The following GYPE variants were observed in gnomAD, a reference collection of about 807,000 sequenced individuals.
GYPE encodes glycophorin-E.
A neutral mutation model predicts 11.6 loss-of-function variants in GYPE; 8 were observed. The observed-to-expected ratio is 0.69, with a 90% CI of 0.41 to 1.25. The LOEUF (loss-of-function observed/expected upper bound fraction) is 1.25. GYPE is among the 50% of genes most tolerant of loss of function. The pLI, the probability that GYPE is intolerant of heterozygous loss-of-function variation, is 0.01. For synonymous variants in GYPE, 28 were observed against 29.6 expected (o/e 0.94, Z 0.18); for missense variants, 90 against 92.8 (o/e 0.97, Z 0.12).
At chr4:143,891,084 T>G (rs1744384405) in intron 1 of GYPE, among the ~76,000 whole-genome samples, 1 of 152,064 alleles carries the variant, frequency 6.6e-6, no homozygotes, top group African/African-American at 2.4e-5. Context: ...ATTAGTAAAC[T>G]TCTTATGTAA....
At chr4:143,879,520 G>C (rs1743940372) in intron 2 of GYPE, among the ~76,000 whole-genome samples, 1 of 152,112 alleles carries the variant, frequency 6.6e-6, no homozygotes, top group Admixed American at 6.6e-5. Flanking sequence ...TGTCACAAAA[G>C]CTTGAGAACT....
At chr4:143,899,563 T>A (rs1867548) in intron 1 of GYPE, among the ~76,000 whole-genome samples, 142,635 of 152,164 alleles carry the variant, frequency 0.94, 67,601 homozygotes, top group East Asian at 1. Context: ...ACTTCATGAA[T>A]TCAAAACTTC....
chr4:143,896,330 A>T (rs1744634822), intron 1 of GYPE, among the ~76,000 whole-genome samples: 1 of 152,226 alleles, frequency 6.6e-6, no homozygotes, highest in Non-Finnish European at 1.5e-5. Flanking sequence ...AAACAACCCC[A>T]TCAAAAAGTG....
chr4:143,895,047 T>C (rs1216905835), intron 1 of GYPE, among the ~76,000 whole-genome samples: 2 of 152,100 alleles, frequency 1.3e-5, no homozygotes, highest in Non-Finnish European at 2.9e-5. Context: ...ACAGCCAATA[T>C]CATACTGAAT....
At chr4:143,902,220 A>AAGACACAGGCG (rs1560953492) in intron 1 of GYPE, among the ~76,000 whole-genome samples, 3 of 151,302 alleles carry the variant, frequency 2.0e-5, no homozygotes, top group Admixed American at 6.6e-5. Flanking sequence ...ACACATAAGC[A>AAGACACAGGCG]AAGACACAGG....
chr4:143,902,040 G>T (rs1456920923), intron 1 of GYPE, among the ~76,000 whole-genome samples: 1 of 152,006 alleles, frequency 6.6e-6, no homozygotes. Flanking sequence ...AATGATTGTA[G>T]ATACCATCTA....
intron 1 of GYPE, among the ~76,000 whole-genome samples, chr4:143,896,586 G>A (rs1275403903): frequency 6.6e-6 from 1 of 152,150 alleles, no homozygotes; most frequent in African/African-American, 2.4e-5. Context: ...AACCATTGTG[G>A]AAGTCAGTGT....
intron 1 of GYPE, among the ~76,000 whole-genome samples, chr4:143,892,251 A>C (rs1744436414): frequency 6.6e-6 from 1 of 151,988 alleles, no homozygotes; most frequent in Non-Finnish European, 1.5e-5. Context: ...TGATCTTTTC[A>C]AAAAACCAGC....
chr4:143,882,293 T>A (rs1454150955), intron 1 of GYPE, among the ~76,000 whole-genome samples: 1 of 143,860 alleles, frequency 7.0e-6, no homozygotes, highest in Non-Finnish European at 1.5e-5. Context: ...TGATAGGGAT[T>A]TTGAAGTTCA....
chr4:143,889,579 C>G (rs2149910603), intron 1 of GYPE, among the ~76,000 whole-genome samples: 1 of 152,272 alleles, frequency 6.6e-6, no homozygotes, highest in East Asian at 1.9e-4. Flanking sequence ...ATTGCCCATA[C>G]TAGCCTCAAA....
intron 1 of GYPE, among the ~76,000 whole-genome samples, chr4:143,886,546 T>A (rs560826817): frequency 4.2e-4 from 59 of 139,366 alleles, no homozygotes; most frequent in African/African-American, 1.4e-3. Context: ...ACATATTCAA[T>A]TCTGCAAAGC....
chr4:143,902,597 C>G (rs1236467803), intron 1 of GYPE, among the ~76,000 whole-genome samples: 1 of 151,486 alleles, frequency 6.6e-6, no homozygotes, highest in Non-Finnish European at 1.5e-5. Context: ...TCTTTCCTTC[C>G]TTTTTCCTTT....
In GYPE at chr4:143,881,944, C is replaced by A. The variant is rs535685692; in HGVS notation, c.38-1435G>T. Among the ~76,000 whole-genome samples the A allele has an allele frequency of 2.0e-5, 3 of 152,254 alleles. No individual in the cohort carries two copies. In the East Asian group the frequency reaches 5.8e-4, roughly 29 times the overall value. Reference sequence around the variant, plus strand: ...AGAGCACACAAACAACAGAAAACATCTTCTCTGACACCTCTCATTAGTCTA... The same window carrying A: ...AGAGCACACAAACAACAGAAAACATATTCTCTGACACCTCTCATTAGTCTA... On this transcript the variant is annotated intron_variant, in intron 1 of 3. Coordinates refer to ENST00000358615, the MANE Select transcript of GYPE (RefSeq NM_198682.3).
At chr4:143,898,281 G>A (rs896342814) in intron 1 of GYPE, among the ~76,000 whole-genome samples, 4 of 152,300 alleles carry the variant, frequency 2.6e-5, no homozygotes, top group African/African-American at 9.6e-5. Context: ...GGAGGCTGAG[G>A]CAGGAGAATT....
intron 1 of GYPE, among the ~76,000 whole-genome samples, chr4:143,883,962 G>A (rs1744154013): frequency 6.6e-6 from 1 of 152,080 alleles, no homozygotes; most frequent in Non-Finnish European, 1.5e-5. Flanking sequence ...GGGACTACCT[G>A]AGTCAGAATT....
At chr4:143,894,956 T>C (rs1033824027) in intron 1 of GYPE, among the ~76,000 whole-genome samples, 2 of 152,010 alleles carry the variant, frequency 1.3e-5, no homozygotes, top group African/African-American at 2.4e-5. Context: ...ATTCAACAAC[T>C]CTTTCATGCT....
At chr4:143,894,069 A>G (rs1744521755) in intron 1 of GYPE, among the ~76,000 whole-genome samples, 1 of 151,978 alleles carries the variant, frequency 6.6e-6, no homozygotes, top group African/African-American at 2.4e-5. Context: ...TTCATCTTCC[A>G]TCACTGATAC....
chr4:143,877,177 C>T (rs546060443), intron 2 of GYPE, among the ~76,000 whole-genome samples: 38 of 152,216 alleles, frequency 2.5e-4, no homozygotes, highest in Admixed American at 5.9e-4. Context: ...TGGACGTTCT[C>T]CTCAGATATG....
intron 2 of GYPE, among the ~76,000 whole-genome samples, chr4:143,878,387 T>C (rs1208191509): frequency 6.6e-6 from 1 of 152,204 alleles, no homozygotes; most frequent in South Asian, 2.1e-4. Flanking sequence ...TAGCCAGGCT[T>C]GGCCTCTGAA....
Sources: gnomAD v4.1 joint callset for allele counts (sites outside exome capture counted in the v4.1 genomes callset) on GRCh38, gnomAD v4.1.1 for gene constraint, MANE v1.5 for transcripts, NCBI Gene and HGNC (gene_info 2026-07-23, HGNC 2026-07-21) for gene names.